PCDHGB1: variants seen among roughly 807,000 people sequenced by gnomAD.
PCDHGB1 encodes the protein protocadherin gamma subfamily B, 1.
Under a neutral mutation model 56.6 loss-of-function variants are expected in PCDHGB1, and 34 were observed. That is an observed-to-expected ratio of 0.60 (90% CI 0.46 to 0.80). The LOEUF is 0.80. PCDHGB1 is among the 30% of genes least tolerant of loss of function. The pLI is 0.00. For missense variants in PCDHGB1, 1,278 were observed against 1,204.6 expected (o/e 1.06, Z -0.90); for synonymous variants, 561 against 505.9 (o/e 1.11, Z -1.46).
intron 1 of PCDHGB1, among the ~76,000 whole-genome samples, chr5:141,462,363 G>C (rs1425898350): frequency 6.6e-6 from 1 of 152,132 alleles, no homozygotes; most frequent in Non-Finnish European, 1.5e-5. Context: ...ACATTGTATA[G>C]TTTCTATTCT....
intron 1 of PCDHGB1, among the ~76,000 whole-genome samples, chr5:141,457,477 C>A (rs964080100): frequency 2.0e-5 from 3 of 152,134 alleles, no homozygotes; most frequent in African/African-American, 7.2e-5. Context: ...TAAGCAGGGC[C>A]AGGGTTAGTC....
intron 1 of PCDHGB1, among the ~76,000 whole-genome samples, chr5:141,369,377 G>T (rs1257760111): frequency 6.6e-6 from 1 of 152,152 alleles, no homozygotes; most frequent in Non-Finnish European, 1.5e-5. Flanking sequence ...CTTTGTAAAA[G>T]TTTTTCATTT....
At chr5:141,362,608 T>C in intron 1 of PCDHGB1, 1 of 1,564,044 alleles carries the variant, frequency 6.4e-7, no homozygotes, top group Non-Finnish European at 8.7e-7. Flanking sequence ...TTCACCTAAT[T>C]TGGGTAGGAA....
chr5:141,385,665 A>G (rs2090316911), intron 1 of PCDHGB1: 1 of 462,016 alleles, frequency 2.2e-6, no homozygotes, highest in Admixed American at 5.1e-5. Flanking sequence ...AGCAGGAATA[A>G]AACACACCTC....
chr5:141,427,819 T>C, intron 1 of PCDHGB1: 1 of 1,531,664 alleles, frequency 6.5e-7, no homozygotes, highest in Non-Finnish European at 8.9e-7. Context: ...AGCGGGGTGG[T>C]GGTCGCGCAG....
chr5:141,411,258 A>G (rs1415319110), intron 1 of PCDHGB1: 1 of 152,200 alleles, frequency 6.6e-6, no homozygotes, highest in African/African-American at 2.4e-5. Flanking sequence ...TATCTTATTT[A>G]TATATTTTTA....
intron 1 of PCDHGB1, chr5:141,415,929 T>C: frequency 1.6e-6 from 1 of 629,678 alleles, no homozygotes; most frequent in African/African-American, 1.9e-5. Context: ...TGTCAATTTA[T>C]ATTTCCTCCT....
Position 141,489,791 on chromosome 5 carries a change from C to G in PCDHGB1, c.2410-5016C>G. ...AGCCACTTCTCTCTGAATGTGAAGA[C>G]CCTAAAAGATGGGAAGCCATTCCCA... On this transcript the variant is annotated intron_variant, in intron 1 of 3. Transcript: ENST00000523390. The surrounding 1 kb of genome is among the most constrained non-coding windows in gnomAD (Gnocchi z 4.5). 2 of 1,614,174 alleles carry G rather than the reference C, an allele frequency of 1.2e-6. No individual in the cohort carries two copies. The highest frequency in any genetic ancestry group is 1.7e-6 in the Non-Finnish European group (2 of 1,180,002).
intron 1 of PCDHGB1, chr5:141,383,693 A>C (rs771447649): frequency 3.7e-6 from 6 of 1,613,930 alleles, no homozygotes; most frequent in Non-Finnish European, 5.1e-6. Context: ...CTCACGGTAC[A>C]TGCTATCGAC....
intron 1 of PCDHGB1, among the ~76,000 whole-genome samples, chr5:141,466,351 A>G (rs897901821): frequency 6.6e-6 from 1 of 152,050 alleles, no homozygotes; most frequent in African/African-American, 2.4e-5. Context: ...TTTTGCAGCT[A>G]ATCTAGATGT....
At chr5:141,420,473 G>A (rs1016985115) in intron 1 of PCDHGB1, 8 of 707,118 alleles carry the variant, frequency 1.1e-5, no homozygotes, top group Non-Finnish European at 1.6e-5. Flanking sequence ...ACATTTTAAA[G>A]CAAACTACAT....
At chr5:141,502,953 C>G (rs145774277) in intron 2 of PCDHGB1, among the ~76,000 whole-genome samples, 1,594 of 147,762 alleles carry the variant, frequency 0.011, 24 homozygotes, top group African/African-American at 0.037. Context: ...AAGCGATTCT[C>G]CTGCCTCAGC....
Position 141,429,390 on chromosome 5 carries a change from A to ATTTT in PCDHGB1, c.2410-65417_2410-65416insTTTT, listed in dbSNP as rs1561841316. ...TGGAGAAAATGTGTTTTTTTTTTAA[A>ATTTT]AAAAATTGAGATTAAGGTCTCATTA... On this transcript the variant is annotated intron_variant, in intron 1 of 3. Coordinates refer to ENST00000523390, the MANE Select transcript of PCDHGB1 (RefSeq NM_018922.3). 1.2e-4 allele frequency among the ~76,000 whole-genome samples: 18 copies of ATTTT among 150,328 alleles called. No homozygotes were observed. In the East Asian group the frequency reaches 1.9e-3, roughly 16 times the overall value.
At position 141,477,197 on chromosome 5, in the gene PCDHGB1, G is replaced by A. The variant is rs781504885; in HGVS notation, c.2410-17610G>A. ...CACAGTCACCTCCGTGTACAGCCCA[G>A]TACCCGAGGATGCCCCTCTGGGGAC... On this transcript the variant is annotated intron_variant, in intron 1 of 3. Coordinates refer to ENST00000523390, the MANE Select transcript of PCDHGB1 (RefSeq NM_018922.3). The surrounding 1 kb of genome is among the most constrained non-coding windows in gnomAD (Gnocchi z 4.9). 1 of 1,614,210 alleles carries A rather than the reference G, an allele frequency of 6.2e-7. No homozygotes were observed. Among genetic ancestry groups the A allele is most frequent in the East Asian group, 2.2e-5 (1 of 44,874 alleles).
intron 1 of PCDHGB1, among the ~76,000 whole-genome samples, chr5:141,450,976 C>T (rs2098702750): frequency 6.6e-6 from 1 of 152,032 alleles, no homozygotes; most frequent in Admixed American, 6.6e-5. Flanking sequence ...AGGCATGTGC[C>T]ACCACACCCG....
intron 1 of PCDHGB1, among the ~76,000 whole-genome samples, chr5:141,452,137 G>A (rs2154563838): frequency 6.6e-6 from 1 of 152,162 alleles, no homozygotes; most frequent in East Asian, 1.9e-4. Flanking sequence ...TGGCTCATGT[G>A]TTTTTTCCAA....
At chr5:141,370,250 T>C in intron 1 of PCDHGB1, 1 of 693,716 alleles carries the variant, frequency 1.4e-6, no homozygotes. Context: ...GTGCACTCTC[T>C]ATCAGGCTTC....
intron 1 of PCDHGB1, chr5:141,394,856 G>T (rs1008039711): frequency 1.2e-6 from 2 of 1,613,674 alleles, no homozygotes; most frequent in African/African-American, 2.7e-5. Context: ...TGAAGCCTTC[G>T]GTCGACCCGA....
intron 1 of PCDHGB1, chr5:141,408,609 A>G (rs765291231): frequency 1.2e-5 from 19 of 1,613,970 alleles, no homozygotes; most frequent in Non-Finnish European, 3.4e-6. Flanking sequence ...TTTGATAAAA[A>G]GGAAATACAT....
Sources: allele counts gnomAD v4.1 joint callset (sites outside exome capture counted in the v4.1 genomes callset), GRCh38; gene constraint gnomAD v4.1.1; non-coding constraint Gnocchi (gnomAD v3.1); transcripts MANE v1.5; gene names NCBI Gene and HGNC (gene_info 2026-07-23, HGNC 2026-07-21).